The following SYNDIG1L variants were observed in gnomAD, a reference collection of about 807,000 sequenced individuals.
The protein encoded by SYNDIG1L is synapse differentiation-inducing gene protein 1-like.
A neutral mutation model predicts 20.1 loss-of-function variants in SYNDIG1L; 13 were observed. That is an observed-to-expected ratio of 0.65 (90% CI 0.42 to 1.03). The LOEUF (loss-of-function observed/expected upper bound fraction) is 1.03. Ranked by LOEUF, SYNDIG1L falls within the 50% of genes least tolerant of loss-of-function variation. The pLI, the probability that SYNDIG1L is intolerant of heterozygous loss-of-function variation, is 0.00. For missense variants in SYNDIG1L, 294 were observed against 305.1 expected (o/e 0.96, Z 0.27); for synonymous variants, 128 against 129.3 (o/e 0.99, Z 0.07).
upstream of SYNDIG1L, among the ~76,000 whole-genome samples, chr14:74,430,206 T>A (rs2086292847): frequency 6.6e-6 from 1 of 152,128 alleles, no homozygotes; most frequent in Admixed American, 6.5e-5. Context: ...AGCTCTGAAC[T>A]CCACCACTAA....
the SYNDIG1L span, among the ~76,000 whole-genome samples, chr14:74,467,603 C>T: frequency 6.6e-6 from 1 of 152,206 alleles, no homozygotes; most frequent in African/African-American, 2.4e-5. Context: ...ATGAAAATCC[C>T]TTATCTGAGC....
intron 1 of SYNDIG1L, among the ~76,000 whole-genome samples, chr14:74,422,018 G>T (rs996026896): frequency 2.6e-5 from 4 of 152,196 alleles, no homozygotes; most frequent in African/African-American, 9.6e-5. Context: ...ACAGGATTGG[G>T]ATGATGGCTC....
chr14:74,457,821 T>G, the SYNDIG1L span, among the ~76,000 whole-genome samples: 1 of 151,948 alleles, frequency 6.6e-6, no homozygotes, highest in South Asian at 2.1e-4. Flanking sequence ...GGCTCGAGAT[T>G]TGGAATCAGA....
chr14:74,416,097 G>C (rs753095475), intron 1 of SYNDIG1L, among the ~76,000 whole-genome samples: 3 of 150,314 alleles, frequency 2.0e-5, no homozygotes, highest in Non-Finnish European at 2.9e-5. Flanking sequence ...TGATTAGAAA[G>C]GGGCCTGAGG....
At chr14:74,446,025 G>T in the SYNDIG1L span, among the ~76,000 whole-genome samples, 2 of 152,134 alleles carry the variant, frequency 1.3e-5, no homozygotes, top group Non-Finnish European at 2.9e-5. Flanking sequence ...CTGGAAATAT[G>T]AAAGTCTAGT....
chr14:74,422,585 C>T (rs893525652), intron 1 of SYNDIG1L, among the ~76,000 whole-genome samples: 10 of 150,298 alleles, frequency 6.7e-5, no homozygotes, highest in Non-Finnish European at 1.3e-4. Flanking sequence ...TCTGCTTCTG[C>T]CATTTTGTGT....
the SYNDIG1L span, among the ~76,000 whole-genome samples, chr14:74,465,036 A>T: frequency 7.9e-5 from 12 of 152,084 alleles, no homozygotes; most frequent in Admixed American, 4.6e-4. Flanking sequence ...ACCTGCCTCC[A>T]CTGGCTCTCC....
the SYNDIG1L span, among the ~76,000 whole-genome samples, chr14:74,478,869 G>T: frequency 2.6e-5 from 4 of 152,256 alleles, no homozygotes; most frequent in South Asian, 8.3e-4. Flanking sequence ...ATCTCATTTA[G>T]TCTTCACAGC....
intron 1 of SYNDIG1L, among the ~76,000 whole-genome samples, chr14:74,422,681 A>ACACACACACACACAC (rs59680480): frequency 1.8e-4 from 27 of 146,152 alleles, no homozygotes; most frequent in East Asian, 6.0e-4. Flanking sequence ...ACACACACAC[A>ACACACACACACACAC]ATTTCTCTTT....
chr14:74,435,783 G>A, the SYNDIG1L span, among the ~76,000 whole-genome samples: 1 of 152,160 alleles, frequency 6.6e-6, no homozygotes, highest in Non-Finnish European at 1.5e-5. Context: ...TTTGTGTGAG[G>A]CCACACACTC....
At chr14:74,428,908 C>T (rs910051210), upstream of SYNDIG1L, among the ~76,000 whole-genome samples, 2 of 152,144 alleles carry the variant, frequency 1.3e-5, no homozygotes, top group Non-Finnish European at 2.9e-5. Flanking sequence ...AGAAGGGTAA[C>T]ACTGGGGGCT....
chr14:74,422,688 C>T (rs2086232482), intron 1 of SYNDIG1L, among the ~76,000 whole-genome samples: 1 of 148,686 alleles, frequency 6.7e-6, no homozygotes, highest in Non-Finnish European at 1.5e-5. Context: ...CACAATTTCT[C>T]TTTTTTTTCT....
chr14:74,447,302 A>G, the SYNDIG1L span, among the ~76,000 whole-genome samples: 1 of 152,100 alleles, frequency 6.6e-6, no homozygotes, highest in African/African-American at 2.4e-5. Context: ...TTCTAGTAAC[A>G]TAGCCCCCCA....
At chr14:74,478,486 G>A in the SYNDIG1L span, among the ~76,000 whole-genome samples, 1 of 152,174 alleles carries the variant, frequency 6.6e-6, no homozygotes, top group Non-Finnish European at 1.5e-5. Context: ...CCTGAAGTAG[G>A]CACTGTTCCT....
the SYNDIG1L span, among the ~76,000 whole-genome samples, chr14:74,447,908 A>G: frequency 1.3e-5 from 2 of 152,168 alleles, no homozygotes; most frequent in African/African-American, 4.8e-5. Flanking sequence ...ATGTTCTTAT[A>G]CTCTATGTAA....
At chr14:74,442,607 T>C in the SYNDIG1L span, among the ~76,000 whole-genome samples, 1 of 152,330 alleles carries the variant, frequency 6.6e-6, no homozygotes, top group South Asian at 2.1e-4. Context: ...AGGAGGTTAA[T>C]ATTATCAGAT....
chr14:74,440,255 C>T, the SYNDIG1L span, among the ~76,000 whole-genome samples: 2 of 149,256 alleles, frequency 1.3e-5, no homozygotes, highest in East Asian at 2.0e-4. Context: ...GTGGCTCACA[C>T]CTGTAACCCC....
intron 2 of SYNDIG1L, among the ~76,000 whole-genome samples, chr14:74,408,594 A>G (rs1401521711): frequency 6.6e-6 from 1 of 152,036 alleles, no homozygotes; most frequent in Non-Finnish European, 1.5e-5. Flanking sequence ...AACACTTTCA[A>G]TGACCAGTGA....
chr14:74,477,093 C>T, the SYNDIG1L span, among the ~76,000 whole-genome samples: 1 of 116,392 alleles, frequency 8.6e-6, no homozygotes, highest in African/African-American at 3.4e-5. Context: ...CACACACAAC[C>T]CTGTCTCCCC....
Sources: gnomAD v4.1 joint callset for allele counts (sites outside exome capture counted in the v4.1 genomes callset) on GRCh38, gnomAD v4.1.1 for gene constraint, MANE v1.5 for transcripts, NCBI Gene and HGNC (gene_info 2026-07-23, HGNC 2026-07-21) for gene names.